Variants in PBX3 observed in about 807,000 individuals in gnomAD.
PBX3 encodes the protein pre-B-cell leukemia transcription factor 3.
In PBX3, 14 loss-of-function variants were observed where a neutral mutation model predicts 48.5. The ratio of observed to expected loss-of-function variants is 0.29; its 90% confidence interval spans 0.19 to 0.45. PBX3 has a LOEUF of 0.45. PBX3 is among the 20% of genes least tolerant of loss of function. The pLI is 1.00. For missense variants in PBX3, 386 were observed against 546.7 expected, an observed-to-expected ratio of 0.71 and a Z score of 2.93; for synonymous variants, 210 against 200.3, an observed-to-expected ratio of 1.05 and a Z score of -0.41.
chr9:125,809,919 A>G (rs1838237981), intron 2 of PBX3, among the ~76,000 whole-genome samples: 2 of 152,248 alleles, frequency 1.3e-5, no homozygotes, highest in African/African-American at 4.8e-5. Flanking sequence ...TTTACCAAAC[A>G]TGAAGTCTAA....
chr9:125,775,047 A>G (rs1263037638), intron 2 of PBX3, among the ~76,000 whole-genome samples: 1 of 151,892 alleles, frequency 6.6e-6, no homozygotes, highest in Non-Finnish European at 1.5e-5. Flanking sequence ...TTGTATTTTT[A>G]ATAGAGATGG....
At chr9:125,908,382 G>A (rs533641969) in intron 2 of PBX3, among the ~76,000 whole-genome samples, 7 of 152,066 alleles carry the variant, frequency 4.6e-5, no homozygotes, top group East Asian at 1.9e-4. Context: ...GTGCTATGGC[G>A]ATCTCATTCT....
chr9:125,851,326 T>A (rs776809429), intron 2 of PBX3, among the ~76,000 whole-genome samples: 1 of 152,056 alleles, frequency 6.6e-6, no homozygotes, highest in Non-Finnish European at 1.5e-5. Context: ...AAAATCTAAA[T>A]CAACATTATA....
intron 2 of PBX3, among the ~76,000 whole-genome samples, chr9:125,905,773 T>C (rs1327408782): frequency 6.6e-6 from 1 of 152,030 alleles, no homozygotes; most frequent in African/African-American, 2.4e-5. Flanking sequence ...TAATTTGTAC[T>C]TAAGAATATG....
intron 2 of PBX3, among the ~76,000 whole-genome samples, chr9:125,791,453 G>T (rs2132064282): frequency 6.6e-6 from 1 of 152,178 alleles, no homozygotes; most frequent in South Asian, 2.1e-4. Context: ...GGGCTTGGTG[G>T]CAGGTGATTG....
At chr9:125,928,929 C>T (rs1307846426) in intron 3 of PBX3, among the ~76,000 whole-genome samples, 2 of 152,156 alleles carry the variant, frequency 1.3e-5, no homozygotes, top group East Asian at 3.9e-4. Flanking sequence ...ACGCAAGGCC[C>T]TTTATGTGCT....
At chr9:125,916,380 C>T (rs1368088941) in intron 3 of PBX3, among the ~76,000 whole-genome samples, 1 of 152,070 alleles carries the variant, frequency 6.6e-6, no homozygotes, top group African/African-American at 2.4e-5. Context: ...TGGATTGTGC[C>T]AGACTATAGG....
chr9:125,946,470 A>G lies in PBX3; in HGVS notation c.843+10863A>G, dbSNP rs554364456. Among the ~76,000 whole-genome samples the G allele has an allele frequency of 2.9e-4, 44 of 152,298 alleles. 1 individual carries two copies. Among genetic ancestry groups the G allele is most frequent in the African/African-American group, 1.1e-3 (44 of 41,574 alleles). On this transcript the variant is annotated intron_variant, in intron 5 of 8. Coordinates refer to ENST00000373489, the MANE Select transcript of PBX3 (RefSeq NM_006195.6). ...GGAATCTGATATGGACTATAAAATA[A>G]CTATGCTTAATATCTATAATGGGGG... is the stretch of plus-strand genomic sequence containing the variant.
chr9:125,925,773 A>G (rs989090801), intron 3 of PBX3, among the ~76,000 whole-genome samples: 4 of 152,222 alleles, frequency 2.6e-5, no homozygotes, highest in African/African-American at 9.6e-5. Flanking sequence ...TAAAAATTTA[A>G]TATGTGGCTC....
chr9:125,780,610 C>A (rs1353156166), intron 2 of PBX3, among the ~76,000 whole-genome samples: 4 of 134,658 alleles, frequency 3.0e-5, no homozygotes, highest in South Asian at 2.4e-4. Context: ...CGCCCCTCAC[C>A]TCCCGGACGG....
intron 2 of PBX3, among the ~76,000 whole-genome samples, chr9:125,899,739 T>C (rs1840897371): frequency 6.6e-6 from 1 of 151,660 alleles, no homozygotes; most frequent in African/African-American, 2.4e-5. Context: ...AAACACTTCA[T>C]GTGAAAATAA....
intron 2 of PBX3, among the ~76,000 whole-genome samples, chr9:125,860,536 G>A (rs538620108): frequency 6.6e-6 from 1 of 152,238 alleles, no homozygotes; most frequent in African/African-American, 2.4e-5. Flanking sequence ...TGGGGAAATT[G>A]GGTAAGAAAT....
At chr9:125,906,237 T>C (rs1199936158) in intron 2 of PBX3, among the ~76,000 whole-genome samples, 1 of 152,116 alleles carries the variant, frequency 6.6e-6, no homozygotes, top group South Asian at 2.1e-4. Flanking sequence ...CTGTGTCCTT[T>C]ATAATAATAC....
intron 2 of PBX3, among the ~76,000 whole-genome samples, chr9:125,812,735 G>A (rs1838329341): frequency 6.6e-6 from 1 of 152,206 alleles, no homozygotes; most frequent in East Asian, 1.9e-4. Flanking sequence ...AAATGATATA[G>A]CCTTCTGTAC....
rs1564149332 is a variant in PBX3, at chr9:125,871,519, C to T, written c.275-44167C>T. The stretch of plus-strand genomic sequence containing the variant: ...TTCCACATTCAAGAACATAATAGCA[C>T]ATGTAGAATGTTGAATGAAAGAGCA... On this transcript the variant is annotated intron_variant, in intron 2 of 8. Coordinates refer to ENST00000373489, the MANE Select transcript of PBX3 (RefSeq NM_006195.6). Among the ~76,000 whole-genome samples, 6 of 152,092 alleles carry T rather than the reference C, an allele frequency of 3.9e-5. No individual in the cohort carries two copies. In the South Asian group the frequency reaches 1.2e-3, roughly 32 times the overall value.
chr9:125,930,781 C>T (rs1256985164), intron 4 of PBX3, among the ~76,000 whole-genome samples: 1 of 152,152 alleles, frequency 6.6e-6, no homozygotes, highest in East Asian at 1.9e-4. Flanking sequence ...GTCTCCAGTC[C>T]TACTGCCCTC....
At chr9:125,858,396 C>A (rs1251790295) in intron 2 of PBX3, among the ~76,000 whole-genome samples, 1 of 152,002 alleles carries the variant, frequency 6.6e-6, no homozygotes, top group Non-Finnish European at 1.5e-5. Flanking sequence ...ATGTGCATAT[C>A]GTATACATAT....
chr9:125,803,947 T>C (rs1232440026), intron 2 of PBX3, among the ~76,000 whole-genome samples: 1 of 152,206 alleles, frequency 6.6e-6, no homozygotes, highest in Admixed American at 6.5e-5. Context: ...ACTCTACATG[T>C]CGTAAAAGGT....
Position 125,789,776 on chromosome 9 carries a change from C to A in PBX3, c.274+41153C>A, listed in dbSNP as rs117425591. ...TCTGGGTGAAAGGGTATACATCATC[C>A]ATTTTATTATTTAATAGATATTATG... On this transcript the variant is annotated intron_variant, in intron 2 of 8. Coordinates refer to ENST00000373489, the MANE Select transcript of PBX3 (RefSeq NM_006195.6). Among the ~76,000 whole-genome samples, 1,429 of 152,180 alleles carry A rather than the reference C, an allele frequency of 9.4e-3. 11 individuals carry two copies. The highest frequency in any genetic ancestry group is 0.014 in the Non-Finnish European group (953 of 68,008).
Sources: allele counts gnomAD v4.1 joint callset (sites outside exome capture counted in the v4.1 genomes callset), GRCh38; gene constraint gnomAD v4.1.1; transcripts MANE v1.5; gene names NCBI Gene and HGNC (gene_info 2026-07-23, HGNC 2026-07-21).